The following EPB41L3 variants were observed in gnomAD, a reference collection of about 807,000 sequenced individuals.
EPB41L3 encodes erythrocyte membrane protein band 4.1 like 3.
In EPB41L3, 57 loss-of-function variants were observed where a neutral mutation model predicts 127.1. The ratio of observed to expected loss-of-function variants is 0.45; its 90% CI spans 0.36 to 0.56. The LOEUF (loss-of-function observed/expected upper bound fraction) is 0.56. Ranked by LOEUF, EPB41L3 falls within the 20% of genes least tolerant of loss-of-function variation. The pLI is 0.00. For synonymous variants in EPB41L3, 572 were observed against 549.5 expected (o/e 1.04, Z -0.57); for missense variants, 1,273 against 1,372.2 (o/e 0.93, Z 1.14).
rs1260991957 is a variant in EPB41L3, at chr18:5,416,049, A to C, written c.1836T>G (p.Ser612=). Residue 612 remains serine, a synonymous_variant, in exon 13 of 23, where the codon TCT becomes TCG. Transcript: ENST00000341928. ...DDGYLSFPNL[S]ETNLLPQSLQ... The stretch of plus-strand genomic sequence containing the variant: ...AGCTCTGGGGCAGGAGGTTGGTTTC[A>C]GAAAGGTTGGGGAAAGAGAGGTATC... 1 of 1,613,896 alleles carries C rather than the reference A, an allele frequency of 6.2e-7. No individual in the cohort carries two copies.
At chr18:5,565,483 T>C (rs1415552536) in intron 3 of EPB41L3, among the ~76,000 whole-genome samples, 3 of 151,876 alleles carry the variant, frequency 2.0e-5, no homozygotes, top group Non-Finnish European at 4.4e-5. Flanking sequence ...ACTTTAAGTT[T>C]TAGGGTACAT....
chr18:5,398,249 G>C (rs1218360381), intron 16 of EPB41L3, 106 bp from the exon 17 acceptor site: 5 of 1,309,080 alleles, frequency 3.8e-6, no homozygotes, highest in African/African-American at 1.5e-5. Context: ...AGGAGACAGG[G>C]AGGAGGAAGA....
At chr18:5,524,255 G>A (rs1317046746) in intron 1 of EPB41L3, among the ~76,000 whole-genome samples, 4 of 152,034 alleles carry the variant, frequency 2.6e-5, no homozygotes, top group South Asian at 2.1e-4. Context: ...GTGCAGCGGC[G>A]CAATCTCGGC....
At chr18:5,487,781 T>C (rs1006724101) in intron 2 of EPB41L3, among the ~76,000 whole-genome samples, 2 of 146,100 alleles carry the variant, frequency 1.4e-5, no homozygotes, top group African/African-American at 5.1e-5. Context: ...TTTTAATAAG[T>C]ATAAAATTGA....
chr18:5,492,595 G>A (rs567532463), intron 1 of EPB41L3, among the ~76,000 whole-genome samples: 13 of 152,218 alleles, frequency 8.5e-5, no homozygotes, highest in African/African-American at 2.2e-4. Flanking sequence ...CACTTTGCAC[G>A]AAACTATCTG....
rs2076083037 is a variant in EPB41L3, at chr18:5,410,636, T to C, written c.2068-17A>G. On this transcript the variant is annotated splice_polypyrimidine_tract_variant and intron_variant, in intron 13 of 22. Transcript: ENST00000341928. ...ACTGTCAGTCTGTTGACCACAGAAG[T>C]GATCAGGTTCCAGGAGGAAGGCAGG... The C allele has an allele frequency of 6.2e-7, 1 of 1,609,976 alleles. No individual in the cohort carries two copies. Among genetic ancestry groups the C allele is most frequent in the East Asian group, 2.2e-5 (1 of 44,756 alleles).
At chr18:5,602,781 A>C (rs999306182) in intron 3 of EPB41L3, among the ~76,000 whole-genome samples, 1 of 152,198 alleles carries the variant, frequency 6.6e-6, no homozygotes, top group Non-Finnish European at 1.5e-5. Flanking sequence ...TGACAAGTCC[A>C]GAAGAAGAGG....
chr18:5,442,042 T>A (rs1299206033), intron 5 of EPB41L3, among the ~76,000 whole-genome samples: 1 of 152,210 alleles, frequency 6.6e-6, no homozygotes, highest in Non-Finnish European at 1.5e-5. Flanking sequence ...TTATGACTTA[T>A]CCTTGAACAT....
chr18:5,447,735 C>A (rs1488450190), intron 3 of EPB41L3, among the ~76,000 whole-genome samples: 2 of 152,110 alleles, frequency 1.3e-5, no homozygotes, highest in African/African-American at 4.8e-5. Flanking sequence ...CTTTGCCTAA[C>A]AAGAGGCATG....
chr18:5,447,534 T>C (rs1329822905), intron 3 of EPB41L3, among the ~76,000 whole-genome samples: 1 of 151,558 alleles, frequency 6.6e-6, no homozygotes. Flanking sequence ...TTTCTCTATG[T>C]GTAAACAAAA....
chr18:5,614,898 A>G (rs983231147), intron 1 of EPB41L3, among the ~76,000 whole-genome samples: 1 of 152,224 alleles, frequency 6.6e-6, no homozygotes, highest in African/African-American at 2.4e-5. Flanking sequence ...CAGTGAGAAA[A>G]GACAAATCTG....
At chr18:5,580,804 A>G (rs1319360550) in intron 3 of EPB41L3, among the ~76,000 whole-genome samples, 1 of 152,204 alleles carries the variant, frequency 6.6e-6, no homozygotes, top group African/African-American at 2.4e-5. Context: ...CACATATCAC[A>G]TAGAGTAGTC....
intron 1 of EPB41L3, among the ~76,000 whole-genome samples, chr18:5,522,040 G>A (rs2148822048): frequency 6.6e-6 from 1 of 152,208 alleles, no homozygotes. Flanking sequence ...TTTACAACAA[G>A]CAAAAGGGTT....
intron 3 of EPB41L3, among the ~76,000 whole-genome samples, chr18:5,468,674 C>T (rs556985480): frequency 1.9e-4 from 29 of 152,244 alleles, no homozygotes; most frequent in African/African-American, 6.5e-4. Context: ...AAAGAGCTAC[C>T]CGCAGAGGCG....
At chr18:5,456,253 A>C (rs1182621886) in intron 3 of EPB41L3, among the ~76,000 whole-genome samples, 7 of 152,212 alleles carry the variant, frequency 4.6e-5, no homozygotes, top group Non-Finnish European at 4.4e-5. Context: ...TTAAAAAACT[A>C]TGTACTAAGT....
chr18:5,478,130 T>A, intron 3 of EPB41L3, 111 bp downstream of exon 3: 1 of 871,372 alleles, frequency 1.1e-6, no homozygotes, highest in Non-Finnish European at 1.7e-6. Flanking sequence ...AGACTGGGTT[T>A]GAGTAATTTT....
At chr18:5,593,159 G>A (rs116484208) in intron 3 of EPB41L3, among the ~76,000 whole-genome samples, 1,806 of 152,138 alleles carry the variant, frequency 0.012, 29 homozygotes, top group African/African-American at 0.035. Flanking sequence ...TTAGCATTGC[G>A]TAGACACGGT....
In EPB41L3 at chr18:5,395,063, C is replaced by G. The variant is rs1412892275; in HGVS notation, c.3153+4G>C. On this transcript the variant is annotated splice_donor_region_variant and intron_variant, in intron 21 of 22. Coordinates refer to ENST00000341928, the MANE Select transcript of EPB41L3 (RefSeq NM_012307.5). ...CAGGGTATTTACCGTCTCACACACA[C>G]TACCTGGTCATGGTCAATGTCTGCA... The G allele has an allele frequency of 6.2e-7, 1 of 1,613,788 alleles. No individual in the cohort carries two copies. The highest frequency in any genetic ancestry group is 1.7e-5 in the Admixed American group (1 of 60,012).
chr18:5,474,212 C>T (rs995442961), intron 3 of EPB41L3, among the ~76,000 whole-genome samples: 5 of 149,740 alleles, frequency 3.3e-5, no homozygotes, highest in Non-Finnish European at 7.4e-5. Flanking sequence ...GCCTGGGCAA[C>T]AGAGTCAGAC....
Sources: allele counts gnomAD v4.1 joint callset (sites outside exome capture counted in the v4.1 genomes callset), GRCh38; gene constraint gnomAD v4.1.1; transcripts MANE v1.5; gene names NCBI Gene and HGNC (gene_info 2026-07-23, HGNC 2026-07-21).